Variants in SUMF1 observed in about 807,000 individuals in gnomAD.
The protein encoded by SUMF1 is formylglycine-generating enzyme.
A neutral mutation model predicts 47.6 loss-of-function variants in SUMF1; 48 were observed. The observed-to-expected ratio is 1.01, with a 90% confidence interval of 0.80 to 1.28. SUMF1 has a LOEUF of 1.28. SUMF1 is among the 50% of genes most tolerant of loss of function. The pLI, the probability that SUMF1 is intolerant of heterozygous loss-of-function variation, is 0.00. For synonymous variants in SUMF1, 230 were observed against 192.1 expected, an observed-to-expected ratio of 1.20 and a Z score of -1.63; for missense variants, 571 against 485.4, an observed-to-expected ratio of 1.18 and a Z score of -1.66.
At chr3:4,190,119 A>C (rs971376717) in intron 8 of SUMF1, among the ~76,000 whole-genome samples, 1 of 152,086 alleles carries the variant, frequency 6.6e-6, no homozygotes, top group Non-Finnish European at 1.5e-5. Flanking sequence ...TTACTTTTTT[A>C]AAAAAATTAA....
intron 8 of SUMF1, chr3:4,312,802 G>A: frequency 7.1e-7 from 1 of 1,418,424 alleles, no homozygotes; most frequent in East Asian, 2.3e-5. Context: ...TTTTATATAT[G>A]TTAGAATTAG....
intron 8 of SUMF1, among the ~76,000 whole-genome samples, chr3:4,100,356 A>C (rs749519076): frequency 6.6e-6 from 1 of 152,034 alleles, no homozygotes; most frequent in Non-Finnish European, 1.5e-5. Flanking sequence ...CAACCAAAGG[A>C]ATAGGATAGA....
intron 8 of SUMF1, among the ~76,000 whole-genome samples, chr3:4,216,891 T>A (rs1695937168): frequency 6.6e-6 from 1 of 152,114 alleles, no homozygotes; most frequent in African/African-American, 2.4e-5. Flanking sequence ...TGTGGAGAAA[T>A]AGGAATGCTG....
At chr3:4,430,898 G>A (rs1702213096) in intron 3 of SUMF1, among the ~76,000 whole-genome samples, 1 of 152,048 alleles carries the variant, frequency 6.6e-6, no homozygotes, top group African/African-American at 2.4e-5. Context: ...CTGTATTACA[G>A]GTGTACTTGA....
intron 7 of SUMF1, among the ~76,000 whole-genome samples, chr3:4,399,234 T>C (rs1165354117): frequency 6.6e-6 from 1 of 152,168 alleles, no homozygotes; most frequent in Non-Finnish European, 1.5e-5. Flanking sequence ...AGCACAGCAG[T>C]CTGGAGTAAA....
At chr3:4,321,487 AAAAAAAGAAAAAG>A (rs1698831305) in intron 8 of SUMF1, among the ~76,000 whole-genome samples, 1 of 150,486 alleles carries the variant, frequency 6.6e-6, no homozygotes, top group African/African-American at 2.4e-5. Context: ...AAAAAAAAAA[AAAAAAAGAAAAAG>A]AAAGAAACCT....
At chr3:4,246,547 G>A (rs984578884) in intron 8 of SUMF1, among the ~76,000 whole-genome samples, 9 of 151,872 alleles carry the variant, frequency 5.9e-5, no homozygotes, top group African/African-American at 1.9e-4. Context: ...GACTACAGGC[G>A]CACGCCACCA....
chr3:4,197,034 C>T (rs1695443665), intron 8 of SUMF1, among the ~76,000 whole-genome samples: 1 of 152,138 alleles, frequency 6.6e-6, no homozygotes, highest in Admixed American at 6.6e-5. Context: ...CTAGACGAAA[C>T]TGTCTACAAA....
chr3:4,334,972 G>T (rs949440031), intron 8 of SUMF1, among the ~76,000 whole-genome samples: 1 of 152,100 alleles, frequency 6.6e-6, no homozygotes. Context: ...AGAGAGAGAG[G>T]CTGGGAAGGC....
At chr3:4,222,124 CT>C (rs1245266081) in intron 8 of SUMF1, among the ~76,000 whole-genome samples, 1 of 151,876 alleles carries the variant, frequency 6.6e-6, no homozygotes, top group Non-Finnish European at 1.5e-5. Context: ...TAAAAAGTAA[CT>C]GGAAGAGCAT....
intron 8 of SUMF1, among the ~76,000 whole-genome samples, chr3:4,124,698 G>C (rs1405186009): frequency 6.6e-6 from 1 of 151,750 alleles, no homozygotes; most frequent in African/African-American, 2.4e-5. Flanking sequence ...AATTATCTTT[G>C]GCTTTCATGA....
At chr3:4,370,072 C>G (rs961265557) in intron 8 of SUMF1, among the ~76,000 whole-genome samples, 17 of 152,132 alleles carry the variant, frequency 1.1e-4, no homozygotes, top group African/African-American at 4.1e-4. Context: ...TTTCCAGGAG[C>G]AGTCACCTCT....
chr3:4,382,907 C>G (rs552234946), intron 7 of SUMF1, among the ~76,000 whole-genome samples: 1 of 152,084 alleles, frequency 6.6e-6, no homozygotes, highest in African/African-American at 2.4e-5. Flanking sequence ...ACATCACACA[C>G]TGGGGCCTGT....
At position 4,129,562 on chromosome 3, in the gene SUMF1, G is replaced by T. The variant is rs115796248; in HGVS notation, c.1015-60817C>A. ...AAACCCAGAACCCCTTGAATGAAGG[G>T]GAGGCCGGGTTCTCTTAAGGAAGGA... is the stretch of plus-strand genomic sequence containing the variant. On this transcript the variant is annotated intron_variant and NMD_transcript_variant, in intron 8 of 12. Transcript: ENST00000448413. 5.1e-3 allele frequency among the ~76,000 whole-genome samples: 771 copies of T among 152,226 alleles called. 8 individuals are homozygous for T. Among genetic ancestry groups the T allele is most frequent in the African/African-American group, 0.016 (679 of 41,524 alleles).
At chr3:4,335,087 A>T (rs1208169872) in intron 8 of SUMF1, among the ~76,000 whole-genome samples, 2 of 152,192 alleles carry the variant, frequency 1.3e-5, no homozygotes, top group Non-Finnish European at 2.9e-5. Context: ...CAGGGATTTC[A>T]GTTGACATAA....
chr3:4,358,255 G>A (rs985537465), downstream of SUMF1, among the ~76,000 whole-genome samples: 3 of 152,058 alleles, frequency 2.0e-5, no homozygotes, highest in African/African-American at 4.8e-5. Flanking sequence ...GACCGTCCAG[G>A]ATTCAGGACT....
At chr3:4,340,564 C>T (rs952618872) in intron 8 of SUMF1, among the ~76,000 whole-genome samples, 1 of 152,062 alleles carries the variant, frequency 6.6e-6, no homozygotes, top group Non-Finnish European at 1.5e-5. Context: ...AGGGATGTTG[C>T]CAGAGAGGAC....
At chr3:4,249,028 G>T (rs1000373501) in intron 8 of SUMF1, among the ~76,000 whole-genome samples, 4 of 152,190 alleles carry the variant, frequency 2.6e-5, no homozygotes, top group Non-Finnish European at 5.9e-5. Flanking sequence ...ACTTCTCACT[G>T]AGTGGCCTTG....
chr3:4,299,440 C>T (rs942770686), intron 8 of SUMF1, among the ~76,000 whole-genome samples: 1 of 152,194 alleles, frequency 6.6e-6, no homozygotes, highest in Admixed American at 6.5e-5. Context: ...TTTAGTTGAA[C>T]CTGAAATGAC....
Sources: gnomAD v4.1 joint callset for allele counts (sites outside exome capture counted in the v4.1 genomes callset) on GRCh38, gnomAD v4.1.1 for gene constraint, MANE v1.5 for transcripts, NCBI Gene and HGNC (gene_info 2026-07-23, HGNC 2026-07-21) for gene names.